RELN: variants seen among roughly 807,000 people sequenced by gnomAD.
The protein encoded by RELN is reelin.
RELN carries 108 observed loss-of-function variants against 427.6 expected under a neutral mutation model. The ratio of observed to expected loss-of-function variants is 0.25; its 90% CI spans 0.22 to 0.30. RELN has a LOEUF of 0.30. Among genes scored for constraint, RELN ranks in the 10% least tolerant of loss-of-function variants. RELN has a pLI of 1.00. For missense variants in RELN, 3,715 were observed against 4,302.8 expected (o/e 0.86, Z 3.82); for synonymous variants, 1,524 against 1,513.4 (o/e 1.01, Z -0.16).
At chr7:103,653,984 C>T in intron 13 of RELN, 109 bp downstream of exon 13, 1 of 753,024 alleles carries the variant, frequency 1.3e-6, no homozygotes, top group Non-Finnish European at 2.5e-6. Flanking sequence ...TCTGGCCTGT[C>T]AGAACAGGGA....
At chr7:103,835,252 T>C (rs1036699565) in intron 2 of RELN, among the ~76,000 whole-genome samples, 4 of 152,180 alleles carry the variant, frequency 2.6e-5, no homozygotes, top group Non-Finnish European at 4.4e-5. Context: ...GGTAAAACTA[T>C]GGAGACATTA....
intron 64 of RELN, among the ~76,000 whole-genome samples, chr7:103,473,913 C>G (rs1788490700): frequency 6.6e-6 from 1 of 152,148 alleles, no homozygotes; most frequent in Admixed American, 6.5e-5. Context: ...CCTTTTCTCC[C>G]TAATTCCATG....
At chr7:103,518,191 C>T (rs1218069952) in intron 49 of RELN, among the ~76,000 whole-genome samples, 1 of 152,134 alleles carries the variant, frequency 6.6e-6, no homozygotes, top group African/African-American at 2.4e-5. Flanking sequence ...GTAATTTTGT[C>T]TTTCCTGCCA....
chr7:103,892,071 G>A (rs1458844794), intron 2 of RELN, among the ~76,000 whole-genome samples: 5 of 152,082 alleles, frequency 3.3e-5, no homozygotes, highest in South Asian at 2.1e-4. Flanking sequence ...CAACGTATTC[G>A]GACAAAGCCA....
intron 4 of RELN, among the ~76,000 whole-genome samples, chr7:103,774,596 T>A (rs916711401): frequency 6.6e-6 from 1 of 152,206 alleles, no homozygotes; most frequent in Non-Finnish European, 1.5e-5. Flanking sequence ...ATATATTAGA[T>A]ATTCCTTACC....
At chr7:103,611,983 T>C (rs1489807452) in intron 20 of RELN, among the ~76,000 whole-genome samples, 180 bp from the exon 21 acceptor site, 2 of 152,220 alleles carry the variant, frequency 1.3e-5, no homozygotes, top group Non-Finnish European at 2.9e-5. Flanking sequence ...CTTTCAAAGA[T>C]GAAACTTTTT....
intron 11 of RELN, among the ~76,000 whole-genome samples, chr7:103,678,479 G>A (rs1336436723): frequency 1.3e-5 from 2 of 152,140 alleles, no homozygotes; most frequent in Non-Finnish European, 2.9e-5. Flanking sequence ...ATCAACACCG[G>A]ATTTCGGACA....
Position 103,603,363 on chromosome 7 carries a change from C to T in RELN, c.3274G>A (p.Val1092Ile), listed in dbSNP as rs2117271353. ...ACACCACACCCTTGTTCTGGTTTTACAATTTCTCCCCCAATAACTTCTTGC... is the reference window on the plus strand; with the variant it reads ...ACACCACACCCTTGTTCTGGTTTTATAATTTCTCCCCCAATAACTTCTTGC... The part of the protein sequence containing the change: ...DWQEVIGGEI[V>I]KPEQGCGVIS... Residue 1092 changes from valine to isoleucine, a missense_variant, in exon 24 of 65, where the codon GTA (valine) becomes ATA (isoleucine). By Grantham distance (29) the Val-to-Ile change is conservative. This residue lies in a region of RELN where 2,208 missense variants were observed against 2,361.7 expected (regional missense o/e 0.93). Transcript: ENST00000428762. The surrounding 1 kb of genome is among the most constrained non-coding windows in gnomAD (Gnocchi z 4.3). 2 of 1,613,940 alleles carry T rather than the reference C, an allele frequency of 1.2e-6. No individual in the cohort carries two copies. The highest frequency in any genetic ancestry group is 8.5e-7 in the Non-Finnish European group (1 of 1,179,862).
intron 2 of RELN, among the ~76,000 whole-genome samples, chr7:103,916,844 G>A (rs1795492484): frequency 6.6e-6 from 1 of 152,026 alleles, no homozygotes; most frequent in African/African-American, 2.4e-5. Flanking sequence ...TGCGGCAGTG[G>A]AGGGAGAGAA....
At chr7:103,846,381 A>T (rs39390) in intron 2 of RELN, among the ~76,000 whole-genome samples, 58,892 of 152,104 alleles carry the variant, frequency 0.39, 11,749 homozygotes, top group Non-Finnish European at 0.42. Flanking sequence ...CATACGCAGA[A>T]AACTGAAACT....
At chr7:103,970,893 C>T (rs751302101) in intron 1 of RELN, among the ~76,000 whole-genome samples, 18 of 152,136 alleles carry the variant, frequency 1.2e-4, no homozygotes, top group Non-Finnish European at 2.6e-4. Context: ...TGGTGGCTCA[C>T]GCCTGTAATC....
At chr7:103,807,591 C>T (rs1166568746) in intron 3 of RELN, among the ~76,000 whole-genome samples, 1 of 152,076 alleles carries the variant, frequency 6.6e-6, no homozygotes, top group Non-Finnish European at 1.5e-5. Flanking sequence ...GATAGGTAGC[C>T]TGCCAATCTA....
chr7:103,924,994 A>G (rs781485730), intron 1 of RELN, among the ~76,000 whole-genome samples: 1 of 7,052 alleles, frequency 1.4e-4, no homozygotes, highest in Admixed American at 8.8e-4. Context: ...ATACACATAC[A>G]CACACACACA....
intron 64 of RELN, 53 bp from the exon 65 acceptor site, chr7:103,472,961 A>G: frequency 7.4e-7 from 1 of 1,355,866 alleles, no homozygotes; most frequent in Non-Finnish European, 1.1e-6. Context: ...AAGAGCATGT[A>G]AGTCCCATCA....
intron 20 of RELN, among the ~76,000 whole-genome samples, chr7:103,624,480 G>A (rs1419796184): frequency 6.6e-6 from 1 of 152,056 alleles, no homozygotes; most frequent in Non-Finnish European, 1.5e-5. Flanking sequence ...AGGCTGGAGT[G>A]CGATGGCATG....
At chr7:103,501,036 T>C in intron 52 of RELN, 114 bp from the exon 53 acceptor site, 1 of 899,050 alleles carries the variant, frequency 1.1e-6, no homozygotes. Flanking sequence ...ATACTCTTAC[T>C]AGATGAAATA....
intron 2 of RELN, among the ~76,000 whole-genome samples, chr7:103,859,597 GT>G (rs544874094): frequency 7.2e-5 from 11 of 152,072 alleles, no homozygotes; most frequent in Non-Finnish European, 1.6e-4. Flanking sequence ...CCGGCCAAAG[GT>G]TTCATATTTA....
intron 28 of RELN, among the ~76,000 whole-genome samples, chr7:103,577,539 T>C (rs1831031289): frequency 7.0e-6 from 1 of 142,884 alleles, no homozygotes; most frequent in Non-Finnish European, 1.5e-5. Context: ...TAAAGAAGTT[T>C]AGAAAAACAA....
chr7:103,701,123 C>T, intron 8 of RELN, 117 bp from the exon 9 acceptor site: 2 of 699,490 alleles, frequency 2.9e-6, no homozygotes, highest in Non-Finnish European at 2.6e-6. Context: ...CTGGTAACTT[C>T]CCCATTCTTC....
Sources: gnomAD v4.1 joint callset for allele counts (sites outside exome capture counted in the v4.1 genomes callset) on GRCh38, gnomAD v4.1.1 for gene constraint, gnomAD v4.1.1 regional missense constraint, Gnocchi (gnomAD v3.1) non-coding constraint, MANE v1.5 for transcripts, NCBI Gene and HGNC (gene_info 2026-07-23, HGNC 2026-07-21) for gene names.